The following CEP164 variants were observed in gnomAD, a reference collection of about 807,000 sequenced individuals.
The protein encoded by CEP164 is centrosomal protein 164, also known as centrosomal protein of 164 kDa.
A neutral mutation model predicts 182.7 loss-of-function variants in CEP164; 162 were observed. The ratio of observed to expected loss-of-function variants is 0.89; its 90% CI spans 0.78 to 1.01. The LOEUF (loss-of-function observed/expected upper bound fraction) is 1.01. Ranked by LOEUF, CEP164 falls within the 50% of genes least tolerant of loss-of-function variation. CEP164 has a pLI of 0.00. For synonymous variants in CEP164, 661 were observed against 690.0 expected (o/e 0.96, Z 0.66); for missense variants, 1,735 against 1,790.4 (o/e 0.97, Z 0.56).
intron 27 of CEP164, among the ~76,000 whole-genome samples, chr11:117,397,924 A>G (rs1292656384): frequency 6.6e-6 from 1 of 152,140 alleles, no homozygotes; most frequent in Admixed American, 6.6e-5. Context: ...AAAACCAATC[A>G]TGCCTTCCCA....
chr11:117,384,116 T>A (rs1475160733), intron 14 of CEP164, among the ~76,000 whole-genome samples: 6 of 152,172 alleles, frequency 3.9e-5, no homozygotes, highest in Non-Finnish European at 1.5e-5. Context: ...TTTCTCTGCA[T>A]AGAGAAAGAG....
At position 117,362,009 on chromosome 11, in the gene CEP164, T is replaced by C. The variant is rs753063818; in HGVS notation, c.552+16T>C. The C allele has an allele frequency of 3.2e-6, 5 of 1,543,344 alleles. No homozygotes were observed. Among genetic ancestry groups the C allele is most frequent in the Non-Finnish European group, 2.6e-6 (3 of 1,150,200 alleles). On this transcript the variant is annotated intron_variant, in intron 6 of 32. Transcript: ENST00000278935. ...ACTCATGCTGGTAAGTACGTTCTCT[T>C]GCGTTCAGTGTCTGTAGTTCCTGTG... is the stretch of plus-strand genomic sequence containing the variant.
rs371475400 is a variant in CEP164 at position 117,371,484 on chromosome 11, A to G, written c.1152+18A>G. ...CCAGCCAAGTAAGTCACTGTATCCC[A>G]TAGGCAGGGGTTGGCTGTAGCCCTC... On this transcript the variant is annotated intron_variant, in intron 9 of 32. Transcript: ENST00000278935. 3 of 1,592,848 alleles carry G rather than the reference A, an allele frequency of 1.9e-6. No individual in the cohort carries two copies. In the African/African-American group the frequency reaches 4.0e-5, roughly 21 times the overall value.
At chr11:117,350,737 TC>T (rs1435868331) in intron 4 of CEP164, among the ~76,000 whole-genome samples, 2 of 152,180 alleles carry the variant, frequency 1.3e-5, no homozygotes, top group Non-Finnish European at 2.9e-5. Flanking sequence ...CAGACTTGAG[TC>T]TTTCTATTCT....
chr11:117,328,931 C>CGCAG (rs2134598806), intron 1 of CEP164, among the ~76,000 whole-genome samples: 1 of 152,296 alleles, frequency 6.6e-6, no homozygotes, highest in East Asian at 1.9e-4. Flanking sequence ...CTGTATTCTG[C>CGCAG]CTCTTAATTC....
At chr11:117,368,145 A>T (rs2041846839) in intron 8 of CEP164, among the ~76,000 whole-genome samples, 1 of 152,252 alleles carries the variant, frequency 6.6e-6, no homozygotes, top group Non-Finnish European at 1.5e-5. Flanking sequence ...ACAGATAAGG[A>T]AATTAGCAAA....
At position 117,380,723 on chromosome 11, in the gene CEP164, C is replaced by T. The variant is rs1174760091; in HGVS notation, c.1409+18C>T. ...GAGGAGAGGTACCATAGGTGGGAGGCTATCCCCAGCGCTGTGCCTTCAGGG... is the reference window on the plus strand; with the variant it reads ...GAGGAGAGGTACCATAGGTGGGAGGTTATCCCCAGCGCTGTGCCTTCAGGG... On this transcript the variant is annotated intron_variant, in intron 12 of 32. Coordinates refer to ENST00000278935, the MANE Select transcript of CEP164 (RefSeq NM_014956.5). 1.3e-6 allele frequency: 2 copies of T among 1,583,302 alleles called. No homozygotes were observed. The highest frequency in any genetic ancestry group is 2.1e-4 in the Middle Eastern group (1 of 4,858).
chr11:117,376,209 C>CA (rs775502776), intron 11 of CEP164, among the ~76,000 whole-genome samples: 3 of 152,256 alleles, frequency 2.0e-5, no homozygotes, highest in Non-Finnish European at 4.4e-5. Context: ...CTCTGCCTGC[C>CA]ACTCTGCTTT....
At chr11:117,354,631 A>C (rs2135508838) in intron 5 of CEP164, among the ~76,000 whole-genome samples, 1 of 152,252 alleles carries the variant, frequency 6.6e-6, no homozygotes, top group Admixed American at 6.5e-5. Flanking sequence ...CTTTGTAGAT[A>C]AGGAAACTGG....
intron 26 of CEP164, 133 bp from the exon 27 acceptor site, chr11:117,396,958 C>T: frequency 1.3e-6 from 1 of 797,948 alleles, no homozygotes; most frequent in Admixed American, 2.8e-5. Context: ...CATCCCTGCA[C>T]TCACAGTGCC....
In CEP164 at chr11:117,344,274, C is replaced by T. The variant is rs747188099; in HGVS notation, c.191C>T (p.Pro64Leu). The change falls in exon 4 of 33, where the codon CCA becomes CTA. Residue 64 changes from proline to leucine, a missense_variant. Transcript: ENST00000278935. Reference sequence around the variant, plus strand: ...GCCCCACTGCCTGGAGAGTGGAAACCATGGTAAGTCAGCAGGGGGTGCGGC... The same window carrying T: ...GCCCCACTGCCTGGAGAGTGGAAACTATGGTAAGTCAGCAGGGGGTGCGGC... ...IVAPLPGEWK[P>L]CQDITGDIYY... 18 of 1,608,994 alleles carry T rather than the reference C, an allele frequency of 1.1e-5. No homozygotes were observed. Among genetic ancestry groups the T allele is most frequent in the Non-Finnish European group, 1.4e-5 (17 of 1,176,802 alleles).
chr11:117,355,822 T>A (rs1418375788), intron 5 of CEP164: 5 of 1,085,256 alleles, frequency 4.6e-6, no homozygotes, highest in Middle Eastern at 4.4e-4. Flanking sequence ...CAGCTGAAGA[T>A]CTACCTCAGG....
At chr11:117,362,253 T>C (rs2041078256) in intron 6 of CEP164, 151 bp from the exon 7 acceptor site, 2 of 854,560 alleles carry the variant, frequency 2.3e-6, no homozygotes, top group Admixed American at 2.8e-5. Flanking sequence ...AAGGGAGTCA[T>C]TGATGTGAGC....
At chr11:117,328,131 T>A (rs1255903015) in intron 1 of CEP164, 1 of 152,250 alleles carries the variant, frequency 6.6e-6, no homozygotes, top group Non-Finnish European at 1.5e-5. Flanking sequence ...AAAATCGGAC[T>A]GCCAGGCGAC....
chr11:117,354,766 TTTTATTTATTTA>T (rs147463962), intron 5 of CEP164, among the ~76,000 whole-genome samples: 2 of 149,248 alleles, frequency 1.3e-5, no homozygotes, highest in South Asian at 2.1e-4. Flanking sequence ...TTGCTATTGA[TTTTATTTATTTA>T]TTTATTTATT....
At chr11:117,366,665 G>A (rs562089578) in intron 8 of CEP164, among the ~76,000 whole-genome samples, 1 of 152,350 alleles carries the variant, frequency 6.6e-6, no homozygotes, top group Admixed American at 6.5e-5. Context: ...CTGGGGAGCT[G>A]TGCAAAGAAT....
At chr11:117,336,239 A>G in intron 2 of CEP164, 1 of 1,593,118 alleles carries the variant, frequency 6.3e-7, no homozygotes, top group Non-Finnish European at 8.6e-7. Flanking sequence ...GAGAAAGAGG[A>G]GGAGGAATGC....
intron 27 of CEP164, among the ~76,000 whole-genome samples, chr11:117,400,585 C>T (rs2046016024): frequency 6.6e-6 from 1 of 152,164 alleles, no homozygotes; most frequent in South Asian, 2.1e-4. Flanking sequence ...GCAGTATGGT[C>T]ATTTTCACAA....
intron 6 of CEP164, 46 bp from the exon 7 acceptor site, chr11:117,362,358 A>G (rs1452822184): frequency 5.0e-6 from 8 of 1,589,436 alleles, no homozygotes; most frequent in Admixed American, 1.7e-5. Context: ...GGTCATTCCA[A>G]AGGTCTTCCA....
Sources: gnomAD v4.1 joint callset for allele counts (sites outside exome capture counted in the v4.1 genomes callset) on GRCh38, gnomAD v4.1.1 for gene constraint, MANE v1.5 for transcripts, NCBI Gene and HGNC (gene_info 2026-07-23, HGNC 2026-07-21) for gene names.